Variants in DEFB113 observed in about 807,000 individuals in gnomAD.
DEFB113 encodes the protein defensin beta 113.
DEFB113 carries 5 observed loss-of-function variants against 2.5 expected under a neutral mutation model. The ratio of observed to expected loss-of-function variants is 1.99; its 90% CI spans 1.04 to 4.18. The LOEUF (loss-of-function observed/expected upper bound fraction) is 4.18. Ranked by LOEUF, DEFB113 falls within the 30% of genes most tolerant of loss-of-function variation. The pLI is 0.00. For synonymous variants in DEFB113, 42 were observed against 31.6 expected (o/e 1.33, Z -1.11); for missense variants, 123 against 96.6 (o/e 1.27, Z -1.14).
intron 1 of DEFB113, 80 bp downstream of exon 1, chr6:49,969,488 T>A (rs1180040135): frequency 9.6e-7 from 1 of 1,044,816 alleles, no homozygotes; most frequent in African/African-American, 1.6e-5. Flanking sequence ...CAATAATTTA[T>A]TTGTTTTTAT....
chr6:49,969,447 C>T (rs1773597603), intron 1 of DEFB113, 121 bp downstream of exon 1: 3 of 616,080 alleles, frequency 4.9e-6, no homozygotes, highest in Non-Finnish European at 8.1e-6. Flanking sequence ...GAGAAAATTG[C>T]CTTATAAGGA....
intron 1 of DEFB113, 117 bp from the exon 2 acceptor site, chr6:49,968,984 A>G (rs1432839884): frequency 4.1e-6 from 4 of 974,534 alleles, no homozygotes; most frequent in African/African-American, 1.7e-5. Flanking sequence ...TGCCCAAGCA[A>G]CTCTATTGAA....
intron 1 of DEFB113, 117 bp from the exon 2 acceptor site, chr6:49,968,984 A>T (rs1432839884): frequency 1.0e-6 from 1 of 974,534 alleles, no homozygotes; most frequent in African/African-American, 1.7e-5. Context: ...TGCCCAAGCA[A>T]CTCTATTGAA....
rs1427714461 is a variant in DEFB113 at position 49,968,967 on chromosome 6, G to C, written c.59-100C>G. On this transcript the variant is annotated intron_variant, in intron 1 of 1. Coordinates refer to ENST00000398718, the MANE Select transcript of DEFB113 (RefSeq NM_001037729.1). ...TGTAGAGTTAAACCATTTTGTTTCT[G>C]AAATCATGCCCAAGCAACTCTATTG... 2.6e-6 allele frequency: 3 copies of C among 1,148,900 alleles called. No individual in the cohort carries two copies. In the African/African-American group the frequency reaches 4.9e-5, roughly 19 times the overall value. 71.2% of individuals were successfully genotyped at this position (1,148,900 alleles called of 1,614,324 possible).
chr6:49,968,936 T>A, intron 1 of DEFB113, 69 bp from the exon 2 acceptor site: 1 of 1,404,392 alleles, frequency 7.1e-7, no homozygotes, highest in Non-Finnish European at 9.5e-7. Flanking sequence ...AATAAACTCT[T>A]TAAAATGTAG....
chr6:49,968,740 A>G lies in DEFB113; in HGVS notation c.186T>C (p.Cys62=). The part of the protein sequence containing the change: ...VYYYCNVNPC[C]AVWEYQKPII... ...TTGGCTTTTGGTATTCCCATACCGC[A>G]CAGCAGGGGTTAACATTGCAGTAAT... The change falls in exon 2 of 2, where the codon TGT becomes TGC. Residue 62 remains cysteine (C), a synonymous_variant. Transcript: ENST00000398718. 3 of 1,578,340 alleles carry G rather than the reference A, an allele frequency of 1.9e-6. No homozygotes were observed. Among genetic ancestry groups the G allele is most frequent in the Non-Finnish European group, 2.6e-6 (3 of 1,161,152 alleles).
chr6:49,969,515 C>T (rs1773598397), intron 1 of DEFB113, 53 bp downstream of exon 1: 3 of 1,251,140 alleles, frequency 2.4e-6, no homozygotes, highest in Non-Finnish European at 3.5e-6. Context: ...CAGAGTAAAG[C>T]ATTTATAAGA....
At chr6:49,968,953 A>G in intron 1 of DEFB113, 86 bp from the exon 2 acceptor site, 1 of 1,286,628 alleles carries the variant, frequency 7.8e-7, no homozygotes, top group Non-Finnish European at 1.0e-6. Context: ...GTAGAGTTAA[A>G]CCATTTTGTT....
intron 1 of DEFB113, among the ~76,000 whole-genome samples, chr6:49,969,274 T>C (rs1380771361): frequency 6.6e-6 from 1 of 151,090 alleles, no homozygotes; most frequent in East Asian, 1.9e-4. Context: ...TAGCAGTTGG[T>C]AAAATTGATT....
In DEFB113 at chr6:49,968,862, G is replaced by A; in HGVS notation, c.64C>T (p.Gln22Ter). 6.3e-7 allele frequency: 1 copy of A among 1,595,830 alleles called. No homozygotes were observed. The highest frequency in any genetic ancestry group is 8.5e-7 in the Non-Finnish European group (1 of 1,171,698). The change falls in exon 2 of 2, where the codon CAG (glutamine) becomes TAG (stop). Residue 22 changes from glutamine (Q) to a stop codon, truncating the protein, a stop_gained. Coordinates refer to ENST00000398718, the MANE Select transcript of DEFB113 (RefSeq NM_001037729.1). LOFTEE classifies it low-confidence loss of function (END_TRUNC). ...TCTGCAACTTCTCTTGTTTTTTTCT[G>A]TGGAACTAGGAAAAAGTAGCTATGA... is the stretch of plus-strand genomic sequence containing the variant. ...FTVSCGPSVP[Q>*]KKTREVAERK...
intron 1 of DEFB113, 24 bp downstream of exon 1, chr6:49,969,544 C>G: frequency 1.9e-6 from 3 of 1,553,924 alleles, no homozygotes; most frequent in Non-Finnish European, 2.6e-6. Flanking sequence ...CCTTTCACAT[C>G]TTTTTTATAA....
At position 49,968,760 on chromosome 6, in the gene DEFB113, A is replaced by C. The variant is rs555913466; in HGVS notation, c.166T>G (p.Cys56Gly). Reference sequence around the variant, plus strand: ...ACCGCACAGCAGGGGTTAACATTGCAGTAATAATATACATATTCCCAGCTG... The same window carrying C: ...ACCGCACAGCAGGGGTTAACATTGCCGTAATAATATACATATTCCCAGCTG... ...CNSWEYVYYY[C>G]NVNPCCAVWE... Residue 56 changes from cysteine to glycine, a missense_variant, in exon 2 of 2, where the codon TGC becomes GGC. By Grantham distance (159) the Cys-to-Gly change is radical. Transcript: ENST00000398718. 4.4e-6 allele frequency: 7 copies of C among 1,597,264 alleles called. No homozygotes were observed. In the African/African-American group the frequency reaches 8.1e-5, roughly 19 times the overall value.
chr6:49,969,054 AC>A (rs1773592271), intron 1 of DEFB113, among the ~76,000 whole-genome samples, 187 bp from the exon 2 acceptor site: 1 of 151,158 alleles, frequency 6.6e-6, no homozygotes, highest in African/African-American at 2.4e-5. Flanking sequence ...TGCTTTTGTC[AC>A]CAGCTTTTTA....
Position 49,968,871 on chromosome 6 carries a change from G to A in DEFB113, c.59-4C>T, listed in dbSNP as rs1430971282. On this transcript the variant is annotated splice_polypyrimidine_tract_variant and splice_region_variant and intron_variant, in intron 1 of 1. Coordinates refer to ENST00000398718, the MANE Select transcript of DEFB113 (RefSeq NM_001037729.1). ...TCTCTTGTTTTTTTCTGTGGAACTA[G>A]GAAAAAGTAGCTATGACCATAAGTC... is the stretch of plus-strand genomic sequence containing the variant. 8 of 1,593,640 alleles carry A rather than the reference G, an allele frequency of 5.0e-6. No homozygotes were observed. Among genetic ancestry groups the A allele is most frequent in the Admixed American group, 3.5e-5 (2 of 56,748 alleles).
chr6:49,968,919 A>G (rs1485602014), intron 1 of DEFB113, 52 bp from the exon 2 acceptor site: 14 of 1,488,192 alleles, frequency 9.4e-6, no homozygotes, highest in African/African-American at 1.4e-5. Context: ...CCTTAGATAC[A>G]GAGATGAATA....
chr6:49,969,114 G>A (rs899332580), intron 1 of DEFB113, among the ~76,000 whole-genome samples: 1 of 150,936 alleles, frequency 6.6e-6, no homozygotes, highest in Non-Finnish European at 1.5e-5. Context: ...ATTTGTGTGT[G>A]CTTCCTCAAG....
intron 1 of DEFB113, 107 bp downstream of exon 1, chr6:49,969,461 C>A (rs1408951523): frequency 1.3e-6 from 1 of 766,204 alleles, no homozygotes; most frequent in East Asian, 2.8e-5. Flanking sequence ...ATAAGGAGTT[C>A]ATATGAAATC....
chr6:49,969,453 A>C, intron 1 of DEFB113, 115 bp downstream of exon 1: 1 of 680,220 alleles, frequency 1.5e-6, no homozygotes, highest in Non-Finnish European at 2.4e-6. Flanking sequence ...ATTGCCTTAT[A>C]AGGAGTTCAT....
chr6:49,969,487 ATT>A (rs1175384645), intron 1 of DEFB113, 79 bp downstream of exon 1: 1 of 1,038,840 alleles, frequency 9.6e-7, no homozygotes, highest in Non-Finnish European at 1.4e-6. Context: ...ACAATAATTT[ATT>A]TGTTTTTATT....
Sources: gnomAD v4.1 joint callset for allele counts (sites outside exome capture counted in the v4.1 genomes callset) on GRCh38, gnomAD v4.1.1 for gene constraint, MANE v1.5 for transcripts, NCBI Gene and HGNC (gene_info 2026-07-23, HGNC 2026-07-21) for gene names.